Variants in ARPIN observed in about 807,000 individuals in gnomAD.
The protein encoded by ARPIN is UPF0552 protein C15orf38.
A neutral mutation model predicts 25.9 loss-of-function variants in ARPIN; 23 were observed. That is an observed-to-expected ratio of 0.89 (90% CI 0.64 to 1.26). The LOEUF is 1.26. ARPIN is among the 50% of genes most tolerant of loss of function. The pLI is 0.00. For missense variants in ARPIN, 333 were observed against 312.2 expected, an observed-to-expected ratio of 1.07 and a Z score of -0.50; for synonymous variants, 126 against 131.4, an observed-to-expected ratio of 0.96 and a Z score of 0.28.
In ARPIN at chr15:89,896,797, G is replaced by C. The variant is rs866747218; in HGVS notation, c.*4998C>G. On this transcript the variant is annotated 3_prime_UTR_variant, in exon 6 of 6. Transcript: ENST00000357484. The stretch of plus-strand genomic sequence containing the variant: ...AAAATGTTTAAGCTCACTATAAGTG[G>C]GGGAAAGGCAAATTAAAATATATTC... 1.3e-5 allele frequency: 2 copies of C among 152,124 alleles called. 1 individual carries two copies. Among genetic ancestry groups the C allele is most frequent in the Admixed American group, 1.3e-4 (2 of 15,276 alleles). The allele number at this position is 152,124 out of a possible 1,614,324, so 9.4% of individuals were successfully genotyped here.
chr15:89,905,615 T>C (rs1897106927), intron 3 of ARPIN, among the ~76,000 whole-genome samples: 1 of 152,124 alleles, frequency 6.6e-6, no homozygotes, highest in Admixed American at 6.6e-5. Flanking sequence ...AACTAACCCG[T>C]GGGCAGTGCC....
Position 89,908,290 on chromosome 15 carries a change from C to T in ARPIN, c.291G>A (p.Met97Ile), listed in dbSNP as rs752499314. ...GCAGAGGATACCTACTGTAGGACGA[C>T]ATGAGGAAGCCCGTGTTCACCTTCC... is the stretch of plus-strand genomic sequence containing the variant. ...ATRKVNTGFL[M>I]SSYKVEAKGD... The change falls in exon 3 of 6, where the codon ATG (methionine) becomes ATA (isoleucine). Residue 97 changes from methionine (M) to isoleucine (I), a missense_variant. Physicochemically the swap from Met to Ile is conservative, Grantham distance 10 (BLOSUM62 1). Transcript: ENST00000357484. 3.1e-6 allele frequency: 5 copies of T among 1,614,154 alleles called. No homozygotes were observed. Among genetic ancestry groups the T allele is most frequent in the South Asian group, 2.2e-5 (2 of 91,074 alleles).
intron 2 of ARPIN, 75 bp from the exon 3 acceptor site, chr15:89,908,487 C>T (rs1897167056): frequency 1.3e-6 from 2 of 1,586,356 alleles, no homozygotes; most frequent in Middle Eastern, 1.7e-4. Context: ...CGGCTGCAGC[C>T]CCGCCAACCT....
At chr15:89,901,876 A>G (rs1364960023) in intron 5 of ARPIN, 73 bp from the exon 6 acceptor site, 1 of 1,574,360 alleles carries the variant, frequency 6.4e-7, no homozygotes, top group Non-Finnish European at 8.7e-7. Flanking sequence ...TTATCAGACA[A>G]ACAAGGGTTC....
At chr15:89,903,117 A>G in intron 5 of ARPIN, 99 bp downstream of exon 5, 1 of 1,610,200 alleles carries the variant, frequency 6.2e-7, no homozygotes, top group Non-Finnish European at 8.5e-7. Context: ...GCTGGGGGGT[A>G]AGATTCATCC....
At chr15:89,906,817 G>A (rs559083840) in intron 3 of ARPIN, among the ~76,000 whole-genome samples, 28 of 152,090 alleles carry the variant, frequency 1.8e-4, no homozygotes, top group African/African-American at 6.7e-4. Flanking sequence ...TGCTATGGTT[G>A]GAATGTATCC....
chr15:89,904,385 G>A (rs1596233801), intron 3 of ARPIN, among the ~76,000 whole-genome samples: 1 of 152,176 alleles, frequency 6.6e-6, no homozygotes, highest in African/African-American at 2.4e-5. Context: ...AGAAAACTAA[G>A]GCTTAGAGAA....
intron 1 of ARPIN, chr15:89,912,382 T>G: frequency 9.5e-6 from 10 of 1,049,090 alleles, no homozygotes; most frequent in Non-Finnish European, 8.0e-6. Context: ...GGGCAGGGCA[T>G]GAGTCTGTGC....
intron 3 of ARPIN, 115 bp downstream of exon 3, chr15:89,908,165 T>C: frequency 1.3e-6 from 2 of 1,515,344 alleles, no homozygotes; most frequent in Non-Finnish European, 1.8e-6. Context: ...CATACAGGGC[T>C]TCAACATCAA....
intron 3 of ARPIN, 61 bp downstream of exon 3, chr15:89,908,219 A>G (rs1462960410): frequency 1.2e-6 from 2 of 1,604,262 alleles, no homozygotes; most frequent in African/African-American, 2.7e-5. Flanking sequence ...GGCTCAGAAG[A>G]GAAAGGCCGC....
At position 89,903,251 on chromosome 15, in the gene ARPIN, G is replaced by C; in HGVS notation, c.637C>G (p.Arg213Gly). The C allele has an allele frequency of 6.2e-7, 1 of 1,614,120 alleles. No homozygotes were observed. Residue 213 changes from arginine (R) to glycine (G), a missense_variant, in exon 5 of 6, where the codon CGA (arginine) becomes GGA (glycine). Arg to Gly is a moderately radical substitution (Grantham distance 125). Transcript: ENST00000357484. ...TCCTCTGCCCCATCCCCCTGCTCTC[G>C]GATCTCCGCTGCAGCCCCCTTCGAA... is the stretch of plus-strand genomic sequence containing the variant. ...KCSKGAAAEIREQGDGAEDEE... is the reference protein window; with the variant it reads ...KCSKGAAAEIGEQGDGAEDEE...
intron 3 of ARPIN, among the ~76,000 whole-genome samples, chr15:89,907,083 T>A (rs1897134110): frequency 8.1e-6 from 1 of 123,742 alleles, no homozygotes; most frequent in African/African-American, 3.1e-5. Context: ...TACTATTTTT[T>A]TTTGAAACGG....
chr15:89,903,713 G>A (rs1596233271), intron 4 of ARPIN, 64 bp downstream of exon 4: 2 of 1,592,528 alleles, frequency 1.3e-6, no homozygotes, highest in South Asian at 1.1e-5. Flanking sequence ...AGGCAGAAGG[G>A]AGGCCAAGAG....
At chr15:89,904,322 A>G (rs1306880809) in intron 3 of ARPIN, among the ~76,000 whole-genome samples, 3 of 152,226 alleles carry the variant, frequency 2.0e-5, no homozygotes, top group Non-Finnish European at 2.9e-5. Context: ...CGCCTGGCAC[A>G]TGGACCCCTA....
intron 4 of ARPIN, 48 bp downstream of exon 4, chr15:89,903,729 A>G: frequency 1.2e-6 from 2 of 1,604,966 alleles, no homozygotes. Flanking sequence ...AAGAGCCCCC[A>G]TGGGCCACAC....
intron 3 of ARPIN, among the ~76,000 whole-genome samples, chr15:89,904,451 C>A (rs1193791224): frequency 6.6e-6 from 1 of 152,102 alleles, no homozygotes; most frequent in Non-Finnish European, 1.5e-5. Context: ...TTCAAAGCAC[C>A]CCAACACATT....
chr15:89,907,225 G>A (rs1166469606), intron 3 of ARPIN, among the ~76,000 whole-genome samples: 1 of 151,786 alleles, frequency 6.6e-6, no homozygotes, highest in Non-Finnish European at 1.5e-5. Context: ...ACGCCACCAT[G>A]CCCAGCTAAT....
rs1379641175 is a variant in ARPIN at position 89,899,930 on chromosome 15, C to T, written c.*1865G>A. ...CAATGGTCTTTCCCTTCCTGAAGCC[C>T]ATCCAAGACACCCCGCCCTTTTTGT... is the stretch of plus-strand genomic sequence containing the variant. On this transcript the variant is annotated 3_prime_UTR_variant, in exon 6 of 6. Transcript: ENST00000357484. 1 of 152,442 alleles carries T rather than the reference C, an allele frequency of 6.6e-6. No homozygotes were observed. Among genetic ancestry groups the T allele is most frequent in the Admixed American group, 6.5e-5 (1 of 15,282 alleles). The allele number at this position is 152,442 out of a possible 1,614,324, so 9.4% of individuals were successfully genotyped here. A position where few individuals can be genotyped will look rare whatever the true frequency, so the allele number is the denominator to read the frequency against.
Position 89,908,379 on chromosome 15 carries a change from G to C in ARPIN, c.202C>G (p.His68Asp), listed in dbSNP as rs980294117. The change falls in exon 3 of 6, where the codon CAC (histidine) becomes GAC (aspartate). Residue 68 changes from histidine (H) to aspartate (D), a missense_variant. His to Asp is a moderately conservative substitution (Grantham distance 81). Coordinates refer to ENST00000357484, the MANE Select transcript of ARPIN (RefSeq NM_182616.4). ...GCGTCGAATTTACGGCGATGGATGT[G>C]ACTGGGCCGGATATACAGCACGTAG... is the stretch of plus-strand genomic sequence containing the variant. ...RYYVLYIRPS[H>D]IHRRKFDAKG... 6 of 1,614,166 alleles carry C rather than the reference G, an allele frequency of 3.7e-6. No individual in the cohort carries two copies. In the Admixed American group the frequency reaches 6.7e-5, roughly 18 times the overall value.
Sources: allele counts gnomAD v4.1 joint callset (sites outside exome capture counted in the v4.1 genomes callset), GRCh38; gene constraint gnomAD v4.1.1; transcripts MANE v1.5; gene names NCBI Gene and HGNC (gene_info 2026-07-23, HGNC 2026-07-21).